The following SUGCT variants were observed in gnomAD, a reference collection of about 807,000 sequenced individuals.
The protein encoded by SUGCT is succinyl-CoA:glutarate CoA-transferase.
In SUGCT, 41 loss-of-function variants were observed where a neutral mutation model predicts 55.0. That is an observed-to-expected ratio of 0.74 (90% confidence interval 0.58 to 0.97). SUGCT has a LOEUF of 0.97. Among genes scored for constraint, SUGCT ranks in the 50% least tolerant of loss-of-function variants. SUGCT has a pLI of 0.00. For missense variants in SUGCT, 568 were observed against 547.8 expected (o/e 1.04, Z -0.37); for synonymous variants, 187 against 200.4 (o/e 0.93, Z 0.56).
chr7:40,748,627 CTT>C (rs1250123003), intron 12 of SUGCT, among the ~76,000 whole-genome samples: 6 of 151,194 alleles, frequency 4.0e-5, no homozygotes, highest in African/African-American at 1.5e-4. Flanking sequence ...TTATTGTTGT[CTT>C]TGAAATAAAT....
At chr7:40,776,419 A>G (rs1296415145) in intron 13 of SUGCT, among the ~76,000 whole-genome samples, 1 of 152,070 alleles carries the variant, frequency 6.6e-6, no homozygotes, top group African/African-American at 2.4e-5. Flanking sequence ...TTACATCACT[A>G]TTTGTATTCA....
chr7:40,852,785 C>T (rs1010074649), intron 13 of SUGCT, among the ~76,000 whole-genome samples: 1 of 152,010 alleles, frequency 6.6e-6, no homozygotes, highest in African/African-American at 2.4e-5. Flanking sequence ...AGCCCCTCCC[C>T]ACTGTGATTG....
At chr7:40,179,070 T>C (rs1157026227) in intron 1 of SUGCT, among the ~76,000 whole-genome samples, 1 of 152,162 alleles carries the variant, frequency 6.6e-6, no homozygotes, top group Non-Finnish European at 1.5e-5. Flanking sequence ...CAGAAAGAAG[T>C]TGGATTTCAT....
At chr7:40,557,055 A>G (rs1463241102) in intron 12 of SUGCT, among the ~76,000 whole-genome samples, 1 of 152,246 alleles carries the variant, frequency 6.6e-6, no homozygotes, top group Non-Finnish European at 1.5e-5. Context: ...AAAAGAACAA[A>G]GGTGGAAGAC....
At chr7:40,653,821 G>A (rs1319098449) in intron 12 of SUGCT, among the ~76,000 whole-genome samples, 1 of 152,180 alleles carries the variant, frequency 6.6e-6, no homozygotes, top group Non-Finnish European at 1.5e-5. Flanking sequence ...CAGAAAAATA[G>A]TATTGTTTTT....
At chr7:40,482,682 A>C (rs184183495) in intron 11 of SUGCT, among the ~76,000 whole-genome samples, 2 of 152,312 alleles carry the variant, frequency 1.3e-5, no homozygotes, top group Admixed American at 1.3e-4. Flanking sequence ...GGACGGTCAT[A>C]GCAATTCTGG....
chr7:40,229,451 G>A (rs1788590076), intron 6 of SUGCT, among the ~76,000 whole-genome samples: 1 of 151,678 alleles, frequency 6.6e-6, no homozygotes, highest in African/African-American at 2.4e-5. Flanking sequence ...CCCAGCAGGT[G>A]GAGGTTGCAG....
chr7:40,946,606 G>T, the SUGCT span, among the ~76,000 whole-genome samples: 1 of 152,196 alleles, frequency 6.6e-6, no homozygotes, highest in Non-Finnish European at 1.5e-5. Context: ...GCTTTTTAAA[G>T]TATGTCTTTT....
intron 12 of SUGCT, among the ~76,000 whole-genome samples, chr7:40,695,004 T>C (rs1046448105): frequency 1.3e-5 from 2 of 152,116 alleles, no homozygotes; most frequent in African/African-American, 2.4e-5. Context: ...TGTTTTATGA[T>C]GTAAATCTTG....
chr7:40,423,245 A>C (rs1787408023), intron 9 of SUGCT, among the ~76,000 whole-genome samples: 1 of 152,082 alleles, frequency 6.6e-6, no homozygotes, highest in Non-Finnish European at 1.5e-5. Flanking sequence ...TTAGGAACCC[A>C]CCCTTTTAGG....
chr7:40,820,150 T>C (rs1227871025), intron 13 of SUGCT, among the ~76,000 whole-genome samples: 1 of 152,244 alleles, frequency 6.6e-6, no homozygotes, highest in Non-Finnish European at 1.5e-5. Context: ...AGTACCATGC[T>C]GTTTTGGTTA....
chr7:40,497,180 C>T (rs1792028475), intron 12 of SUGCT, among the ~76,000 whole-genome samples: 1 of 152,088 alleles, frequency 6.6e-6, no homozygotes, highest in South Asian at 2.1e-4. Context: ...TTGTCAGTTT[C>T]CAAAATTCAA....
At chr7:40,565,068 A>G (rs532259151) in intron 12 of SUGCT, among the ~76,000 whole-genome samples, 4 of 152,228 alleles carry the variant, frequency 2.6e-5, no homozygotes, top group Non-Finnish European at 5.9e-5. Flanking sequence ...GATACTAAAA[A>G]TATGTTGTGG....
chr7:40,766,536 T>C (rs1412621801), intron 13 of SUGCT, among the ~76,000 whole-genome samples: 1 of 152,190 alleles, frequency 6.6e-6, no homozygotes, highest in Non-Finnish European at 1.5e-5. Context: ...TTCCTGCAAA[T>C]CTAAATTCCT....
chr7:40,909,355 A>T, the SUGCT span, among the ~76,000 whole-genome samples: 2 of 152,142 alleles, frequency 1.3e-5, no homozygotes, highest in African/African-American at 4.8e-5. Flanking sequence ...GCGTGCCTCC[A>T]CCTGTCTCTT....
chr7:40,754,353 G>A (rs1435120898), intron 13 of SUGCT, among the ~76,000 whole-genome samples: 1 of 152,154 alleles, frequency 6.6e-6, no homozygotes, highest in Non-Finnish European at 1.5e-5. Context: ...AATGATAGAA[G>A]TGTCAGCATG....
intron 12 of SUGCT, among the ~76,000 whole-genome samples, chr7:40,524,203 T>C (rs1445170569): frequency 3.9e-5 from 6 of 152,188 alleles, no homozygotes; most frequent in African/African-American, 1.4e-4. Flanking sequence ...TTGTGATTGC[T>C]AGCTACTGAT....
At chr7:40,566,050 G>T (rs1005075334) in intron 12 of SUGCT, among the ~76,000 whole-genome samples, 1 of 151,102 alleles carries the variant, frequency 6.6e-6, no homozygotes, top group African/African-American at 2.4e-5. Context: ...AAACTCAGGT[G>T]TTCCTGGCCA....
chr7:40,874,320 C>T, the SUGCT span, among the ~76,000 whole-genome samples: 6 of 152,314 alleles, frequency 3.9e-5, no homozygotes, highest in Admixed American at 6.5e-5. Context: ...CCAAAAGAAC[C>T]GTCATAATCT....
Sources: allele counts gnomAD v4.1 joint callset (sites outside exome capture counted in the v4.1 genomes callset), GRCh38; gene constraint gnomAD v4.1.1; transcripts MANE v1.5; gene names NCBI Gene and HGNC (gene_info 2026-07-23, HGNC 2026-07-21).